The following LHPP variants were observed in gnomAD, a reference collection of about 807,000 sequenced individuals.
The protein encoded by LHPP is hLHPP.
A neutral mutation model predicts 30.3 loss-of-function variants in LHPP; 24 were observed. That is an observed-to-expected ratio of 0.79 (90% CI 0.57 to 1.11). The LOEUF is 1.11. Among genes scored for constraint, LHPP ranks in the 50% most tolerant of loss-of-function variants. The pLI is 0.00. For synonymous variants in LHPP, 150 were observed against 157.1 expected (o/e 0.95, Z 0.34); for missense variants, 356 against 367.2 (o/e 0.97, Z 0.25).
intron 6 of LHPP, among the ~76,000 whole-genome samples, chr10:124,607,721 T>A (rs947679220): frequency 6.6e-6 from 1 of 152,196 alleles, no homozygotes; most frequent in South Asian, 2.1e-4. Flanking sequence ...TCATGGGCGG[T>A]GTTTGCTGGA....
rs1435087259 is a variant in LHPP at position 124,590,891 on chromosome 10, T to C, written c.717-22373T>C. On this transcript the variant is annotated intron_variant, in intron 6 of 6. Coordinates refer to ENST00000368842, the MANE Select transcript of LHPP (RefSeq NM_022126.4). This position sits in a 1 kb window ranked among gnomAD's most constrained non-coding sequence, Gnocchi z 4.3. ...TAACTCAAGGGATGGGACTGTGTCA[T>C]TGGTAAACACTGCAACAGGCCTCCT... is the stretch of plus-strand genomic sequence containing the variant. 6.6e-6 allele frequency among the ~76,000 whole-genome samples: 1 copy of C among 152,236 alleles called. No homozygotes were observed. The highest frequency in any genetic ancestry group is 6.5e-5 in the Admixed American group (1 of 15,288).
rs942776778 is a variant in LHPP, at chr10:124,503,426, G to C, written c.624+5298G>C. 1.8e-4 allele frequency among the ~76,000 whole-genome samples: 27 copies of C among 152,016 alleles called. 1 individual carries two copies. Among genetic ancestry groups the C allele is most frequent in the African/African-American group, 6.5e-4 (27 of 41,250 alleles). Reference sequence around the variant, plus strand: ...TCTTCTTCCAGTATGGTGCAGGGAAGCCAAAAGATCGGACACCCCTGCTCT... The same window carrying C: ...TCTTCTTCCAGTATGGTGCAGGGAACCCAAAAGATCGGACACCCCTGCTCT... On this transcript the variant is annotated intron_variant, in intron 5 of 6. Coordinates refer to ENST00000368842, the MANE Select transcript of LHPP (RefSeq NM_022126.4).
intron 6 of LHPP, among the ~76,000 whole-genome samples, chr10:124,572,883 A>C (rs906898143): frequency 2.6e-5 from 4 of 152,156 alleles, no homozygotes; most frequent in African/African-American, 9.7e-5. Context: ...GTGTGTAGAA[A>C]CACATACTCT....
intron 5 of LHPP, among the ~76,000 whole-genome samples, chr10:124,508,927 G>T (rs571795065): frequency 6.6e-6 from 1 of 152,138 alleles, no homozygotes; most frequent in South Asian, 2.1e-4. Context: ...TGTGATACAG[G>T]TACATTGTGT....
intron 6 of LHPP, among the ~76,000 whole-genome samples, chr10:124,566,200 C>T (rs1007346598): frequency 6.6e-6 from 1 of 152,230 alleles, no homozygotes; most frequent in African/African-American, 2.4e-5. Context: ...TCCTGGAGAC[C>T]GGGCGTGTGG....
chr10:124,563,879 A>G (rs184710755), intron 6 of LHPP, among the ~76,000 whole-genome samples: 15 of 152,338 alleles, frequency 9.8e-5, no homozygotes, highest in African/African-American at 3.6e-4. Context: ...GGAGCTGCAC[A>G]GCCAGACAGA....
intron 1 of LHPP, among the ~76,000 whole-genome samples, chr10:124,477,669 T>G (rs957993668): frequency 6.6e-6 from 1 of 152,192 alleles, no homozygotes; most frequent in Non-Finnish European, 1.5e-5. Flanking sequence ...CGGTAGATTT[T>G]GGGCAGGATT....
At chr10:124,507,947 A>G (rs935002445) in intron 5 of LHPP, among the ~76,000 whole-genome samples, 7 of 139,998 alleles carry the variant, frequency 5.0e-5, no homozygotes, top group African/African-American at 1.3e-4. Context: ...GGCTGCAGTG[A>G]TCTTCATGGC....
Position 124,596,610 on chromosome 10 carries a change from T to G in LHPP, c.717-16654T>G, listed in dbSNP as rs1265932239. Among the ~76,000 whole-genome samples the G allele has an allele frequency of 6.6e-6, 1 of 152,182 alleles. No individual in the cohort carries two copies. Among genetic ancestry groups the G allele is most frequent in the Non-Finnish European group, 1.5e-5 (1 of 68,024 alleles). On this transcript the variant is annotated intron_variant, in intron 6 of 6. Coordinates refer to ENST00000368842, the MANE Select transcript of LHPP (RefSeq NM_022126.4). This position sits in a 1 kb window ranked among gnomAD's most constrained non-coding sequence, Gnocchi z 4.6. ...TCTCTAGGTTGGGGCCACTCTTTTC[T>G]TGGAACAAGAGCCCTAAACGTGGGA...
intron 5 of LHPP, among the ~76,000 whole-genome samples, chr10:124,506,379 C>G (rs552364934): frequency 1.3e-5 from 2 of 151,096 alleles, no homozygotes; most frequent in African/African-American, 2.4e-5. Context: ...TCCCACTGTC[C>G]GCCCACTACA....
chr10:124,612,638 T>C (rs1338213394), intron 6 of LHPP, among the ~76,000 whole-genome samples: 1 of 152,140 alleles, frequency 6.6e-6, no homozygotes, highest in Non-Finnish European at 1.5e-5. Flanking sequence ...AGGAGATGCC[T>C]GGGGAATGGC....
intron 6 of LHPP, among the ~76,000 whole-genome samples, chr10:124,530,265 A>G (rs1954861245): frequency 6.6e-6 from 1 of 150,654 alleles, no homozygotes; most frequent in South Asian, 2.1e-4. Context: ...CTCAGGGTTC[A>G]CTCTCATTTC....
At chr10:124,588,632 A>G (rs571324428) in intron 6 of LHPP, among the ~76,000 whole-genome samples, 74 of 152,228 alleles carry the variant, frequency 4.9e-4, no homozygotes, top group African/African-American at 1.7e-3. Flanking sequence ...AAAAATATCC[A>G]TATTGATGGA....
Position 124,498,074 on chromosome 10 carries a change from T to A in LHPP, c.570T>A (p.Pro190=), listed in dbSNP as rs1371141756. The A allele has an allele frequency of 6.2e-7, 1 of 1,614,134 alleles. No individual in the cohort carries two copies. Residue 190 remains proline (P), a synonymous_variant, in exon 5 of 7, where the codon CCT becomes CCA. Transcript: ENST00000368842. ...TCAAAGCCGAGGTGGTGGGGAAGCCTTCTCCTGAGTTTTTCAAGTCTGCCC... is the reference window on the plus strand; with the variant it reads ...TCAAAGCCGAGGTGGTGGGGAAGCCATCTCCTGAGTTTTTCAAGTCTGCCC... ...CGIKAEVVGK[P]SPEFFKSALQ...
intron 5 of LHPP, among the ~76,000 whole-genome samples, chr10:124,509,138 T>A (rs1954238076): frequency 6.6e-6 from 1 of 152,184 alleles, no homozygotes; most frequent in South Asian, 2.1e-4. Flanking sequence ...GGTTTTCTGT[T>A]CCTGCATTAG....
At chr10:124,491,354 G>A (rs767572307) in intron 3 of LHPP, among the ~76,000 whole-genome samples, 9 of 152,226 alleles carry the variant, frequency 5.9e-5, no homozygotes, top group Non-Finnish European at 5.9e-5. Flanking sequence ...CCAGCTGATG[G>A]AACCGACAGG....
intron 1 of LHPP, among the ~76,000 whole-genome samples, chr10:124,463,820 C>CTTTTTTTTTTTTT (rs35122241): frequency 8.3e-6 from 1 of 120,778 alleles, no homozygotes; most frequent in African/African-American, 3.0e-5. Flanking sequence ...ATTTTTTTTT[C>CTTTTTTTTTTTTT]TTTTTTTTTT....
intron 6 of LHPP, among the ~76,000 whole-genome samples, chr10:124,603,600 C>A (rs948914712): frequency 2.9e-4 from 44 of 152,122 alleles, no homozygotes; most frequent in Non-Finnish European, 5.9e-5. Flanking sequence ...CAAAGCCGCC[C>A]GAGAAGGTCC....
chr10:124,578,967 G>A (rs879277386), intron 6 of LHPP, among the ~76,000 whole-genome samples: 1 of 148,088 alleles, frequency 6.8e-6, no homozygotes, highest in Non-Finnish European at 1.5e-5. Context: ...CACGGACGGG[G>A]GGGTCCGCTG....
Sources: gnomAD v4.1 joint callset for allele counts (sites outside exome capture counted in the v4.1 genomes callset) on GRCh38, gnomAD v4.1.1 for gene constraint, Gnocchi (gnomAD v3.1) non-coding constraint, MANE v1.5 for transcripts, NCBI Gene and HGNC (gene_info 2026-07-23, HGNC 2026-07-21) for gene names.